The following NLGN1 variants were observed in gnomAD, a reference collection of about 807,000 sequenced individuals.
NLGN1 encodes neuroligin-1.
NLGN1 carries 12 observed loss-of-function variants against 65.5 expected under a neutral mutation model. That is an observed-to-expected ratio of 0.18 (90% CI 0.12 to 0.30). The LOEUF (loss-of-function observed/expected upper bound fraction) is 0.30, where lower values mean the gene tolerates loss of function less well. NLGN1 is among the 10% of genes least tolerant of loss of function. The pLI is 1.00. For synonymous variants in NLGN1, 350 were observed against 359.5 expected (o/e 0.97, Z 0.30); for missense variants, 750 against 1,007.1 (o/e 0.74, Z 3.46).
intron 4 of NLGN1, among the ~76,000 whole-genome samples, chr3:173,986,873 G>T (rs536859201): frequency 2.0e-5 from 3 of 152,154 alleles, no homozygotes; most frequent in African/African-American, 4.8e-5. Flanking sequence ...TTTAGTTCTT[G>T]TGCCCTAGAG....
At chr3:174,277,049 G>A (rs1009602324) in intron 5 of NLGN1, among the ~76,000 whole-genome samples, 10 of 151,704 alleles carry the variant, frequency 6.6e-5, no homozygotes, top group African/African-American at 2.2e-4. Context: ...CTGATGGCAT[G>A]GTAAACAGTA....
chr3:173,747,111 C>A (rs1328714412), intron 3 of NLGN1, among the ~76,000 whole-genome samples: 2 of 149,028 alleles, frequency 1.3e-5, no homozygotes, highest in Non-Finnish European at 3.0e-5. Context: ...CGTGTGTATA[C>A]CACGTGTATA....
chr3:173,530,388 TGTC>T (rs139548737), intron 2 of NLGN1, among the ~76,000 whole-genome samples: 7,580 of 152,210 alleles, frequency 0.05, 230 homozygotes, highest in Middle Eastern at 0.17. Context: ...TTCTATGTGT[TGTC>T]GTCCTGGAAG....
chr3:173,428,117 A>G (rs2148726952), intron 1 of NLGN1, among the ~76,000 whole-genome samples: 1 of 151,994 alleles, frequency 6.6e-6, no homozygotes, highest in East Asian at 1.9e-4. Flanking sequence ...ATCTGATATA[A>G]GTTTAGCTAC....
At chr3:174,252,017 G>A (rs1430502976) in intron 4 of NLGN1, among the ~76,000 whole-genome samples, 2 of 152,046 alleles carry the variant, frequency 1.3e-5, no homozygotes, top group East Asian at 1.9e-4. Flanking sequence ...TCTCAAGGTA[G>A]ATAGAATTTT....
chr3:173,537,820 C>T (rs560855933), intron 2 of NLGN1, among the ~76,000 whole-genome samples: 1 of 152,232 alleles, frequency 6.6e-6, no homozygotes, highest in Admixed American at 6.6e-5. Context: ...TAAAGGATCT[C>T]CTATGTTCCA....
At chr3:173,704,291 A>C (rs533884464) in intron 3 of NLGN1, among the ~76,000 whole-genome samples, 4 of 152,320 alleles carry the variant, frequency 2.6e-5, no homozygotes, top group Admixed American at 2.0e-4. Flanking sequence ...GATTCTCTTA[A>C]GTGACATGGT....
intron 4 of NLGN1, among the ~76,000 whole-genome samples, chr3:173,810,229 G>T (rs1024206001): frequency 1.6e-4 from 24 of 152,130 alleles, no homozygotes; most frequent in Admixed American, 1.4e-3. Flanking sequence ...CATGAGTGCC[G>T]CACCACAGCA....
chr3:173,733,323 G>A (rs145118010), intron 3 of NLGN1, among the ~76,000 whole-genome samples: 1 of 151,976 alleles, frequency 6.6e-6, no homozygotes, highest in Non-Finnish European at 1.5e-5. Context: ...TATTTTATAG[G>A]GGTAATTACA....
intron 4 of NLGN1, among the ~76,000 whole-genome samples, chr3:174,146,117 CT>C (rs1723198435): frequency 6.9e-6 from 1 of 144,216 alleles, no homozygotes; most frequent in African/African-American, 2.8e-5. Context: ...TCCTTCCTTC[CT>C]TCCTTCCTTC....
chr3:174,101,378 T>C (rs1347832861), intron 4 of NLGN1, among the ~76,000 whole-genome samples: 1 of 152,156 alleles, frequency 6.6e-6, no homozygotes, highest in African/African-American at 2.4e-5. Context: ...TATTTGCTTG[T>C]TTAAACTGGA....
intron 3 of NLGN1, among the ~76,000 whole-genome samples, chr3:173,677,118 T>G (rs1396034468): frequency 6.6e-6 from 1 of 152,044 alleles, no homozygotes; most frequent in South Asian, 2.1e-4. Flanking sequence ...ATCAGAAAAG[T>G]GCTTCAACAA....
intron 3 of NLGN1, among the ~76,000 whole-genome samples, chr3:173,753,902 C>T (rs1364642103): frequency 6.9e-6 from 1 of 145,464 alleles, no homozygotes; most frequent in African/African-American, 2.5e-5. Context: ...TTTTCTCTGC[C>T]AAAAATGCTC....
chr3:173,475,840 G>T (rs769539535), intron 2 of NLGN1, among the ~76,000 whole-genome samples: 2 of 152,136 alleles, frequency 1.3e-5, no homozygotes, highest in Non-Finnish European at 2.9e-5. Context: ...TTCTAAAAGA[G>T]AACAACTGCA....
intron 4 of NLGN1, among the ~76,000 whole-genome samples, chr3:174,024,180 A>G (rs1043910236): frequency 6.7e-5 from 10 of 150,132 alleles, no homozygotes; most frequent in Non-Finnish European, 1.2e-4. Flanking sequence ...GGGCTGGACC[A>G]TAGTTAAACT....
chr3:174,237,755 C>T (rs958737191), intron 4 of NLGN1, among the ~76,000 whole-genome samples: 1 of 152,106 alleles, frequency 6.6e-6, no homozygotes, highest in Admixed American at 6.5e-5. Context: ...TGGGGTTTCA[C>T]CATTTTGGCC....
intron 4 of NLGN1, among the ~76,000 whole-genome samples, chr3:174,245,600 G>A (rs2152836134): frequency 6.6e-6 from 1 of 152,122 alleles, no homozygotes; most frequent in South Asian, 2.1e-4. Context: ...TAACCAAATA[G>A]ATACATGTAA....
intron 2 of NLGN1, among the ~76,000 whole-genome samples, chr3:173,514,951 T>C (rs571565905): frequency 1.3e-5 from 2 of 152,306 alleles, no homozygotes; most frequent in South Asian, 4.1e-4. Context: ...CTATTGTGAA[T>C]AGTACTGAAA....
intron 3 of NLGN1, among the ~76,000 whole-genome samples, chr3:173,673,603 T>C (rs1019160540): frequency 6.6e-6 from 1 of 152,176 alleles, no homozygotes; most frequent in African/African-American, 2.4e-5. Context: ...TGCTGTGAGC[T>C]CAGTGGTATT....
Sources: gnomAD v4.1 joint callset for allele counts (sites outside exome capture counted in the v4.1 genomes callset) on GRCh38, gnomAD v4.1.1 for gene constraint, MANE v1.5 for transcripts, NCBI Gene and HGNC (gene_info 2026-07-23, HGNC 2026-07-21) for gene names.